The following RIC1 variants were observed in gnomAD, a reference collection of about 807,000 sequenced individuals.
RIC1 encodes the protein RIC1 partner of RAB6A GEF complex.
Under a neutral mutation model 169.0 loss-of-function variants are expected in RIC1, and 88 were observed. That is an observed-to-expected ratio of 0.52 (90% CI 0.44 to 0.62). The LOEUF (loss-of-function observed/expected upper bound fraction) is 0.62, where lower values mean the gene tolerates loss of function less well. Among genes scored for constraint, RIC1 ranks in the 20% least tolerant of loss-of-function variants. The pLI, the probability that RIC1 is intolerant of heterozygous loss-of-function variation, is 0.00. For missense variants in RIC1, 1,877 were observed against 1,725.5 expected (o/e 1.09, Z -1.56); for synonymous variants, 790 against 601.5 (o/e 1.31, Z -4.59).
intron 2 of RIC1, among the ~76,000 whole-genome samples, chr9:5,673,369 A>C (rs1042602771): frequency 6.6e-6 from 1 of 151,806 alleles, no homozygotes; most frequent in African/African-American, 2.4e-5. Context: ...ATGCAGGCAT[A>C]AACAGGAATT....
chr9:5,755,854 C>T (rs932113216), intron 15 of RIC1, among the ~76,000 whole-genome samples: 6 of 151,974 alleles, frequency 3.9e-5, no homozygotes, highest in African/African-American at 7.3e-5. Flanking sequence ...ACCCGGAAGG[C>T]GGAGGGTGCA....
chr9:5,680,849 C>T (rs1163623021), intron 2 of RIC1, among the ~76,000 whole-genome samples: 7 of 59,530 alleles, frequency 1.2e-4, no homozygotes, highest in South Asian at 1.7e-3. Flanking sequence ...TTTTTTGAGA[C>T]GGAGTCTCGC....
chr9:5,659,792 T>A (rs1329767922), intron 2 of RIC1, among the ~76,000 whole-genome samples: 1 of 152,226 alleles, frequency 6.6e-6, no homozygotes, highest in Non-Finnish European at 1.5e-5. Context: ...GAATTGTTTT[T>A]AAGTTTCCTT....
At chr9:5,773,195 ATTAT>A (rs1399361070) in intron 25 of RIC1, 115 bp downstream of exon 25, 1 of 357,296 alleles carries the variant, frequency 2.8e-6, no homozygotes, top group African/African-American at 2.1e-5. Flanking sequence ...TTTATTATAT[ATTAT>A]TTATTATATG....
intron 2 of RIC1, among the ~76,000 whole-genome samples, chr9:5,674,272 T>A (rs930255281): frequency 8.5e-5 from 13 of 152,152 alleles, no homozygotes; most frequent in African/African-American, 2.9e-4. Flanking sequence ...AAAAAAAAAT[T>A]TAACAAAAAT....
intron 2 of RIC1, among the ~76,000 whole-genome samples, chr9:5,689,660 T>A (rs565675162): frequency 2.5e-4 from 38 of 152,320 alleles, no homozygotes; most frequent in African/African-American, 8.9e-4. Context: ...GTACTATATA[T>A]TTTGCAAAAT....
In RIC1 at chr9:5,745,509, T is replaced by G. The variant is rs538673914; in HGVS notation, c.1096-422T>G. On this transcript the variant is annotated intron_variant, in intron 10 of 25. Coordinates refer to ENST00000414202, the MANE Select transcript of RIC1 (RefSeq NM_020829.4). Reference sequence around the variant, plus strand: ...GTCTCACAGCTTCCAATCCAATGTTTTTTGCTCCATACAAAACTGCATCTG... The same window carrying G: ...GTCTCACAGCTTCCAATCCAATGTTGTTTGCTCCATACAAAACTGCATCTG... Among the ~76,000 whole-genome samples the G allele has an allele frequency of 4.6e-4, 70 of 152,282 alleles. No homozygotes were observed. The Middle Eastern group carries it at 0.01, about 22-fold the overall frequency.
At chr9:5,766,673 A>G (rs1365765576) in intron 21 of RIC1, among the ~76,000 whole-genome samples, 1 of 152,178 alleles carries the variant, frequency 6.6e-6, no homozygotes. Flanking sequence ...AAATGCTGTT[A>G]ATTCATTCCT....
chr9:5,642,566 A>G (rs1031128308), intron 1 of RIC1, among the ~76,000 whole-genome samples: 1 of 144,620 alleles, frequency 6.9e-6, no homozygotes, highest in African/African-American at 2.8e-5. Flanking sequence ...AATTTGTTTG[A>G]TATTCTGTTC....
At chr9:5,757,031 C>A (rs938509706) in intron 16 of RIC1, among the ~76,000 whole-genome samples, 1 of 152,186 alleles carries the variant, frequency 6.6e-6, no homozygotes, top group African/African-American at 2.4e-5. Context: ...TCTCAACCCA[C>A]TAGTTTTTTC....
chr9:5,777,306 G>GT (rs576281540), downstream of RIC1, among the ~76,000 whole-genome samples: 75 of 143,036 alleles, frequency 5.2e-4, no homozygotes, highest in Non-Finnish European at 5.5e-4. Context: ...CAATATTCAA[G>GT]TTTTTTTTTT....
chr9:5,761,385 A>T (rs1160449876), intron 17 of RIC1, among the ~76,000 whole-genome samples: 1 of 151,810 alleles, frequency 6.6e-6, no homozygotes, highest in East Asian at 1.9e-4. Context: ...AAATGCTGGG[A>T]TTACAGGTGT....
chr9:5,738,558 T>TC lies in RIC1; in HGVS notation c.901+20_901+21insC, dbSNP rs767916891. 2 of 1,487,948 alleles carry TC rather than the reference T, an allele frequency of 1.3e-6. No homozygotes were observed. Among genetic ancestry groups the TC allele is most frequent in the East Asian group, 4.6e-5 (2 of 43,740 alleles). The allele number at this position is 1,487,948 out of a possible 1,614,324, so 92.2% of individuals were successfully genotyped here. ...ATCCTGGTGAGTCTTTTTTTTTTTT[T>TC]TTTTTTTTAACATTTTTAATGTACT... On this transcript the variant is annotated intron_variant, in intron 8 of 25. Coordinates refer to ENST00000414202, the MANE Select transcript of RIC1 (RefSeq NM_020829.4).
At chr9:5,655,876 T>C (rs889961444) in intron 1 of RIC1, among the ~76,000 whole-genome samples, 13 of 152,132 alleles carry the variant, frequency 8.5e-5, no homozygotes, top group African/African-American at 3.1e-4. Flanking sequence ...TTTTTTTGTT[T>C]TTGTTTTTGA....
intron 8 of RIC1, among the ~76,000 whole-genome samples, chr9:5,739,799 C>G (rs1444000259): frequency 6.6e-6 from 1 of 152,204 alleles, no homozygotes; most frequent in African/African-American, 2.4e-5. Context: ...AGTTTACAAA[C>G]TCAGTGAATC....
chr9:5,733,281 T>G (rs971791496), intron 7 of RIC1, among the ~76,000 whole-genome samples: 1 of 149,878 alleles, frequency 6.7e-6, no homozygotes, highest in Non-Finnish European at 1.5e-5. Context: ...TTTTTTTTTT[T>G]GAGATGGAGT....
intron 10 of RIC1, among the ~76,000 whole-genome samples, 165 bp from the exon 11 acceptor site, chr9:5,745,766 A>G (rs540692352): frequency 5.3e-5 from 8 of 152,286 alleles, no homozygotes; most frequent in Non-Finnish European, 1.0e-4. Context: ...TTAAGAGGTA[A>G]CTGAAGGTGT....
intron 1 of RIC1, among the ~76,000 whole-genome samples, chr9:5,647,936 GGGTGGTGGTGGTGGTGGT>G (rs77165192): frequency 8.2e-6 from 1 of 121,240 alleles, no homozygotes. Context: ...GTGTGGGGGT[GGGTGGTGGTGGTGGTGGT>G]GGTGGTGGTG....
chr9:5,755,057 G>C (rs1825926165), intron 15 of RIC1, 127 bp downstream of exon 15: 3 of 528,502 alleles, frequency 5.7e-6, no homozygotes, highest in African/African-American at 2.0e-5. Context: ...CAAGAATGTA[G>C]CTTCTTTTAG....
Sources: allele counts gnomAD v4.1 joint callset (sites outside exome capture counted in the v4.1 genomes callset), GRCh38; gene constraint gnomAD v4.1.1; transcripts MANE v1.5; gene names NCBI Gene and HGNC (gene_info 2026-07-23, HGNC 2026-07-21).